ANKAR: variants seen among roughly 807,000 people sequenced by gnomAD.
ANKAR encodes ankyrin and armadillo repeat-containing protein.
ANKAR carries 136 observed loss-of-function variants against 146.2 expected under a neutral mutation model. That is an observed-to-expected ratio of 0.93 (90% CI 0.81 to 1.07). ANKAR has a LOEUF of 1.07. Among genes scored for constraint, ANKAR ranks in the 50% least tolerant of loss-of-function variants. The pLI is 0.00. For missense variants in ANKAR, 1,567 were observed against 1,679.9 expected (o/e 0.93, Z 1.18); for synonymous variants, 500 against 575.8 (o/e 0.87, Z 1.88).
chr2:189,736,514 G>T (rs200720446), intron 17 of ANKAR, among the ~76,000 whole-genome samples: 18,102 of 49,520 alleles, frequency 0.37, 2,809 homozygotes, highest in South Asian at 0.54. Flanking sequence ...GTGTGTGTGT[G>T]TGTGTGTGTG....
chr2:189,720,732 TG>T lies in ANKAR; in HGVS notation c.2581del (p.Val861Ter), dbSNP rs2041142739. The T allele has an allele frequency of 1.3e-6, 2 of 1,522,914 alleles. No individual in the cohort carries two copies. The highest frequency in any genetic ancestry group is 1.8e-6 in the Non-Finnish European group (2 of 1,140,364). The allele number at this position is 1,522,914 out of a possible 1,614,324, so 94.3% of individuals were successfully genotyped here. A position where few individuals can be genotyped will look rare whatever the true frequency, so the allele number is the denominator to read the frequency against. On this transcript the variant is annotated frameshift_variant, in exon 12 of 23. Coordinates refer to ENST00000684021, the MANE Select transcript of ANKAR (RefSeq NM_001378068.1). LOFTEE classifies it high-confidence loss of function. ...TAGGAAATGAAAACAATCAAAGAGC[TG>T]TGAGAGAACATAAAGGCCTCCCATA... ...CIGNENNQRA[V>X]REHKGLPYLI...
chr2:189,761,449 T>G (rs774518569), downstream of ANKAR: 1 of 1,609,128 alleles, frequency 6.2e-7, no homozygotes, highest in African/African-American at 1.3e-5. Context: ...GGGAATGTAT[T>G]GCTTCTCCCA....
chr2:189,717,221 G>A (rs1327155851), intron 10 of ANKAR, among the ~76,000 whole-genome samples: 5 of 152,028 alleles, frequency 3.3e-5, no homozygotes, highest in East Asian at 1.9e-4. Flanking sequence ...CAGAATCTAC[G>A]GAGAACTTAA....
intron 10 of ANKAR, among the ~76,000 whole-genome samples, chr2:189,718,684 A>G (rs1480408100): frequency 3.3e-5 from 5 of 151,110 alleles, no homozygotes; most frequent in Non-Finnish European, 5.9e-5. Context: ...GGTGCTTTCT[A>G]TTTATCATTA....
intron 2 of ANKAR, among the ~76,000 whole-genome samples, chr2:189,686,855 C>T (rs116282878): frequency 0.019 from 2,832 of 152,028 alleles, 87 homozygotes; most frequent in African/African-American, 0.064. Context: ...TTTGTGGGTA[C>T]ATAGCAGGTA....
chr2:189,705,169 A>C lies in ANKAR; in HGVS notation c.1855A>C (p.Ile619Leu). Reference protein sequence around the residue: ...FAAFYDNVCIIIALCRKDPSL... With the variant: ...FAAFYDNVCILIALCRKDPSL... Reference sequence around the variant, plus strand: ...CGCTTTCTATGACAACGTTTGCATCATTATTGCTCTCTGTAGGAAGGATCC... The same window carrying C: ...CGCTTTCTATGACAACGTTTGCATCCTTATTGCTCTCTGTAGGAAGGATCC... The change falls in exon 8 of 23, where the codon ATT (isoleucine) becomes CTT (leucine). Residue 619 changes from isoleucine to leucine, a missense_variant. Ile to Leu is a conservative substitution (Grantham distance 5). Transcript: ENST00000684021. 4 of 1,614,172 alleles carry C rather than the reference A, an allele frequency of 2.5e-6. No homozygotes were observed. Among genetic ancestry groups the C allele is most frequent in the Non-Finnish European group, 3.4e-6 (4 of 1,180,020 alleles).
chr2:189,738,095 G>C (rs943211232), intron 18 of ANKAR, among the ~76,000 whole-genome samples: 7 of 152,072 alleles, frequency 4.6e-5, no homozygotes, highest in African/African-American at 1.7e-4. Context: ...AGCCTGTAAG[G>C]TTGACAATCA....
chr2:189,709,041 C>T (rs1390474942), intron 9 of ANKAR, among the ~76,000 whole-genome samples: 1 of 151,994 alleles, frequency 6.6e-6, no homozygotes. Flanking sequence ...GGCAAAGTTG[C>T]AGTGAACCGA....
intron 19 of ANKAR, among the ~76,000 whole-genome samples, chr2:189,740,937 G>A (rs1273304149): frequency 6.6e-6 from 1 of 151,634 alleles, no homozygotes; most frequent in Non-Finnish European, 1.5e-5. Context: ...CAGGTGATCT[G>A]CCCACCTCGG....
At chr2:189,762,446 G>A (rs564083082), downstream of ANKAR, 14 of 358,862 alleles carry the variant, frequency 3.9e-5, no homozygotes, top group South Asian at 1.5e-3. Context: ...GGCAGTTGCG[G>A]GCAGTGCAGC....
downstream of ANKAR, chr2:189,761,287 A>G (rs2047031788): frequency 1.1e-6 from 1 of 896,762 alleles, no homozygotes; most frequent in Non-Finnish European, 1.6e-6. Context: ...GAGGTTTTCT[A>G]TAGCAGTTAT....
intron 9 of ANKAR, among the ~76,000 whole-genome samples, chr2:189,707,698 A>G (rs2105683663): frequency 6.6e-6 from 1 of 151,510 alleles, no homozygotes; most frequent in South Asian, 2.1e-4. Flanking sequence ...GGACATGTCT[A>G]ATTTTACTCC....
downstream of ANKAR, among the ~76,000 whole-genome samples, chr2:189,749,244 TA>T (rs397987026): frequency 2.6e-3 from 165 of 63,260 alleles, no homozygotes; most frequent in African/African-American, 8.1e-3. Flanking sequence ...AGACTCTGTC[TA>T]AAAAAAAAAA....
chr2:189,725,323 T>A (rs963971495), intron 12 of ANKAR, among the ~76,000 whole-genome samples: 2 of 142,802 alleles, frequency 1.4e-5, no homozygotes, highest in Non-Finnish European at 3.0e-5. Flanking sequence ...CACATATATA[T>A]GATCCAGAAG....
chr2:189,748,456 T>C (rs1030096791), downstream of ANKAR, among the ~76,000 whole-genome samples: 1 of 152,186 alleles, frequency 6.6e-6, no homozygotes, highest in East Asian at 1.9e-4. Context: ...ATTCCTGGCC[T>C]CAAGTGATCC....
intron 10 of ANKAR, among the ~76,000 whole-genome samples, chr2:189,716,490 A>G (rs1371485045): frequency 1.3e-5 from 2 of 152,136 alleles, no homozygotes; most frequent in Admixed American, 6.5e-5. Flanking sequence ...GGAAGAATCA[A>G]TATTGTGAAA....
At chr2:189,723,525 A>G (rs982123870) in intron 12 of ANKAR, among the ~76,000 whole-genome samples, 1 of 151,488 alleles carries the variant, frequency 6.6e-6, no homozygotes, top group Non-Finnish European at 1.5e-5. Context: ...AGATCACCTC[A>G]TTTTTTTTCT....
At chr2:189,692,628 T>C (rs1490995063) in intron 4 of ANKAR, 3 of 426,722 alleles carry the variant, frequency 7.0e-6, no homozygotes, top group African/African-American at 6.2e-5. Flanking sequence ...GAGATAAAAT[T>C]ATAAATAAGC....
intron 17 of ANKAR, among the ~76,000 whole-genome samples, chr2:189,735,941 TCAGTGGGTATAAAGTAACAATAAGTAAC>T (rs1196036861): frequency 6.6e-6 from 1 of 152,190 alleles, no homozygotes; most frequent in Non-Finnish European, 1.5e-5. Context: ...CATTTATAAA[TCAGTGGGTATAAAGTAACAATAAGTAAC>T]CAGTGGGTAT....
Sources: allele counts gnomAD v4.1 joint callset (sites outside exome capture counted in the v4.1 genomes callset), GRCh38; gene constraint gnomAD v4.1.1; transcripts MANE v1.5; gene names NCBI Gene and HGNC (gene_info 2026-07-23, HGNC 2026-07-21).